The following PRELID2 variants were observed in gnomAD, a reference collection of about 807,000 sequenced individuals.
The protein encoded by PRELID2 is PRELI domain-containing protein 2.
In PRELID2, 25 loss-of-function variants were observed where a neutral mutation model predicts 28.4. The observed-to-expected ratio is 0.88, with a 90% confidence interval of 0.64 to 1.23. PRELID2 has a LOEUF of 1.23. PRELID2 is among the 50% of genes most tolerant of loss of function. The pLI is 0.00. For synonymous variants in PRELID2, 76 were observed against 71.6 expected (o/e 1.06, Z -0.31); for missense variants, 201 against 214.4 (o/e 0.94, Z 0.39).
At chr5:145,480,856 T>A (rs1752152488) in intron 1 of PRELID2, among the ~76,000 whole-genome samples, 1 of 152,222 alleles carries the variant, frequency 6.6e-6, no homozygotes. Flanking sequence ...AAATAGTAAG[T>A]ATTCATTAAA....
intron 6 of PRELID2, among the ~76,000 whole-genome samples, chr5:145,763,980 G>A (rs1757601154): frequency 6.6e-6 from 1 of 152,118 alleles, no homozygotes; most frequent in South Asian, 2.1e-4. Context: ...GGAGACTGAA[G>A]CAGGAGAATG....
chr5:145,360,721 A>G, the PRELID2 span, among the ~76,000 whole-genome samples: 1 of 152,232 alleles, frequency 6.6e-6, no homozygotes, highest in African/African-American at 2.4e-5. Flanking sequence ...CAGGAAGTCA[A>G]TAACTCTATT....
the PRELID2 span, among the ~76,000 whole-genome samples, chr5:145,292,741 T>G: frequency 6.6e-6 from 1 of 152,162 alleles, no homozygotes; most frequent in African/African-American, 2.4e-5. Flanking sequence ...AGGGTCTCTC[T>G]CTATCATCCA....
chr5:145,676,221 A>G (rs1374811473), intron 1 of PRELID2, among the ~76,000 whole-genome samples: 2 of 123,060 alleles, frequency 1.6e-5, no homozygotes, highest in African/African-American at 7.5e-5. Flanking sequence ...ACTCCATCTC[A>G]AAAAAAAAAA....
At chr5:145,524,222 G>T (rs920689907) in intron 1 of PRELID2, among the ~76,000 whole-genome samples, 3 of 152,200 alleles carry the variant, frequency 2.0e-5, no homozygotes, top group African/African-American at 7.2e-5. Context: ...GTCTCAAAGT[G>T]GCATTCACAG....
chr5:145,674,233 C>T (rs983761343), intron 1 of PRELID2, among the ~76,000 whole-genome samples: 3 of 152,086 alleles, frequency 2.0e-5, no homozygotes, highest in Non-Finnish European at 2.9e-5. Flanking sequence ...TGTATGTATA[C>T]ATGTGCCATG....
chr5:145,247,563 G>A, the PRELID2 span, among the ~76,000 whole-genome samples: 3 of 152,146 alleles, frequency 2.0e-5, no homozygotes, highest in African/African-American at 4.8e-5. Flanking sequence ...CTCAAAGGTT[G>A]CTCTGTATAT....
At chr5:145,316,714 A>G in the PRELID2 span, among the ~76,000 whole-genome samples, 1 of 152,232 alleles carries the variant, frequency 6.6e-6, no homozygotes, top group African/African-American at 2.4e-5. Context: ...CATTTCTACT[A>G]GAAAAATATA....
chr5:145,355,029 G>T, the PRELID2 span, among the ~76,000 whole-genome samples: 1 of 152,152 alleles, frequency 6.6e-6, no homozygotes, highest in Admixed American at 6.6e-5. Context: ...TAACTAGTAT[G>T]TAATGAGCCT....
intron 4 of PRELID2, among the ~76,000 whole-genome samples, chr5:145,817,421 T>TTATATATATATTTATATATATA (rs1754429409): frequency 9.7e-6 from 1 of 103,596 alleles, no homozygotes; most frequent in Non-Finnish European, 2.0e-5. Context: ...TAAGCTAGTT[T>TTATATATATATTTATATATATA]TATATATATA....
rs150867841 is a variant in PRELID2 at position 145,714,241 on chromosome 5, C to T, written n.70+50690G>A. Among the ~76,000 whole-genome samples the T allele has an allele frequency of 5.5e-3, 842 of 152,222 alleles. 12 individuals carry two copies. The highest frequency in any genetic ancestry group is 0.019 in the African/African-American group (787 of 41,544). ...ACCAACCACTTTTAGCCTCAATCCA[C>T]TCTGTTTATGTTAGAATTAAATAAG... On this transcript the variant is annotated intron_variant and non_coding_transcript_variant, in intron 1 of 2. Transcript: ENST00000510259.
At chr5:145,504,243 C>T (rs1052546104) in intron 1 of PRELID2, among the ~76,000 whole-genome samples, 1 of 152,104 alleles carries the variant, frequency 6.6e-6, no homozygotes, top group Non-Finnish European at 1.5e-5. Context: ...CTCACCAAAC[C>T]CCAGTTTTTA....
At chr5:145,810,419 G>A (rs1052165279) in intron 4 of PRELID2, among the ~76,000 whole-genome samples, 13 of 152,110 alleles carry the variant, frequency 8.5e-5, no homozygotes, top group Admixed American at 5.9e-4. Flanking sequence ...TTCAGTCCAT[G>A]CCAATTGCTT....
chr5:145,367,068 C>CTCTAA, the PRELID2 span, among the ~76,000 whole-genome samples: 1 of 151,822 alleles, frequency 6.6e-6, no homozygotes, highest in African/African-American at 2.4e-5. Context: ...TTAGCTTCTT[C>CTCTAA]TTACCTCAAA....
At chr5:145,827,428 G>A (rs1020202737) in intron 1 of PRELID2, among the ~76,000 whole-genome samples, 1 of 152,166 alleles carries the variant, frequency 6.6e-6, no homozygotes, top group African/African-American at 2.4e-5. Context: ...TCAATAGGAT[G>A]ATGAAATAGA....
intron 1 of PRELID2, among the ~76,000 whole-genome samples, chr5:145,600,695 A>C (rs1580994631): frequency 1.3e-5 from 2 of 152,088 alleles, no homozygotes; most frequent in Admixed American, 6.6e-5. Context: ...TTGTGTTAAC[A>C]ATCAAAGATC....
chr5:145,323,053 C>A, the PRELID2 span, among the ~76,000 whole-genome samples: 26 of 152,106 alleles, frequency 1.7e-4, no homozygotes, highest in African/African-American at 6.3e-4. Flanking sequence ...CTAAGAAGCA[C>A]ACTACAGGGT....
intron 1 of PRELID2, among the ~76,000 whole-genome samples, chr5:145,473,675 C>T (rs1752075060): frequency 6.6e-6 from 1 of 152,114 alleles, no homozygotes; most frequent in Non-Finnish European, 1.5e-5. Context: ...ACACAGCAGC[C>T]ATCTCTGTGA....
chr5:145,563,132 C>T (rs555517213), intron 1 of PRELID2, among the ~76,000 whole-genome samples: 1 of 152,212 alleles, frequency 6.6e-6, no homozygotes, highest in African/African-American at 2.4e-5. Flanking sequence ...ATCCTCATAC[C>T]CTGGCCACAG....
Sources: gnomAD v4.1 joint callset for allele counts (sites outside exome capture counted in the v4.1 genomes callset) on GRCh38, gnomAD v4.1.1 for gene constraint, MANE v1.5 for transcripts, NCBI Gene and HGNC (gene_info 2026-07-23, HGNC 2026-07-21) for gene names.